The following ABLIM2 variants were observed in gnomAD, a reference collection of about 807,000 sequenced individuals.
The protein encoded by ABLIM2 is actin-binding LIM protein 2.
A neutral mutation model predicts 97.7 loss-of-function variants in ABLIM2; 53 were observed. That is an observed-to-expected ratio of 0.54 (90% CI 0.44 to 0.68). ABLIM2 has a LOEUF of 0.68. Among genes scored for constraint, ABLIM2 ranks in the 30% least tolerant of loss-of-function variants. The probability of loss-of-function intolerance (pLI) is 0.00; values close to 1 mark genes in which losing one functional copy is unlikely to be tolerated. For missense variants in ABLIM2, 835 were observed against 867.2 expected, an observed-to-expected ratio of 0.96 and a Z score of 0.47; for synonymous variants, 361 against 345.8, an observed-to-expected ratio of 1.04 and a Z score of -0.49.
intron 14 of ABLIM2, among the ~76,000 whole-genome samples, chr4:8,018,549 A>T (rs1180020484): frequency 2.0e-5 from 3 of 152,198 alleles, no homozygotes; most frequent in Non-Finnish European, 2.9e-5. Flanking sequence ...CATTTCATTC[A>T]CTTTTTTCCT....
intron 20 of ABLIM2, among the ~76,000 whole-genome samples, chr4:7,968,505 G>T (rs1164687138): frequency 6.6e-6 from 1 of 152,226 alleles, no homozygotes. Flanking sequence ...GCCTTAAAAG[G>T]TCGTGAAGTT....
chr4:8,148,219 G>A lies in ABLIM2; in HGVS notation c.10+10461C>T, dbSNP rs1852140033. On this transcript the variant is annotated intron_variant, in intron 1 of 20. Transcript: ENST00000447017. This position sits in a 1 kb window ranked among gnomAD's most constrained non-coding sequence, Gnocchi z 6.7. Reference sequence around the variant, plus strand: ...CGGTGCAGCAGAAGCTCTCCTGTGGGGGCCCTGGGCCAGGCAGGTTCTGAA... The same window carrying A: ...CGGTGCAGCAGAAGCTCTCCTGTGGAGGCCCTGGGCCAGGCAGGTTCTGAA... 6.6e-6 allele frequency among the ~76,000 whole-genome samples: 1 copy of A among 152,224 alleles called. No homozygotes were observed. Among genetic ancestry groups the A allele is most frequent in the Non-Finnish European group, 1.5e-5 (1 of 68,044 alleles).
chr4:8,009,915 T>G (rs1763846112), intron 14 of ABLIM2, among the ~76,000 whole-genome samples: 1 of 152,068 alleles, frequency 6.6e-6, no homozygotes, highest in Admixed American at 6.5e-5. Context: ...AAGTGGGCGG[T>G]AGGGGCCAAC....
chr4:8,089,780 G>A (rs989709006), intron 3 of ABLIM2, among the ~76,000 whole-genome samples: 2 of 150,556 alleles, frequency 1.3e-5, no homozygotes, highest in Non-Finnish European at 2.9e-5. Flanking sequence ...ACCTTTGTTG[G>A]GTTCTGTCTG....
At chr4:8,158,610 T>G in intron 1 of ABLIM2, 70 bp downstream of exon 1, 1 of 1,494,476 alleles carries the variant, frequency 6.7e-7, no homozygotes, top group South Asian at 1.2e-5. Context: ...AGCCTCCGAA[T>G]GCCACCCAGC....
chr4:8,096,050 C>T (rs1831391302), intron 3 of ABLIM2, among the ~76,000 whole-genome samples: 3 of 152,186 alleles, frequency 2.0e-5, no homozygotes. Flanking sequence ...TTTCTAGTCA[C>T]TGTCTCCTGC....
rs1844703836 is a variant in ABLIM2 at position 8,120,179 on chromosome 4, G to T, written c.11-13542C>A. 6.6e-6 allele frequency among the ~76,000 whole-genome samples: 1 copy of T among 152,166 alleles called. No homozygotes were observed. Among genetic ancestry groups the T allele is most frequent in the African/African-American group, 2.4e-5 (1 of 41,454 alleles). Reference sequence around the variant, plus strand: ...GCGGCCACGCTGCCCCTTCCTCCCAGAAGAGGACGTGGCAGGAAGCAAGAG... The same window carrying T: ...GCGGCCACGCTGCCCCTTCCTCCCATAAGAGGACGTGGCAGGAAGCAAGAG... On this transcript the variant is annotated intron_variant, in intron 1 of 20. Transcript: ENST00000447017. This position sits in a 1 kb window ranked among gnomAD's most constrained non-coding sequence, Gnocchi z 5.6.
chr4:8,127,081 A>G lies in ABLIM2; in HGVS notation c.11-20444T>C, dbSNP rs1848305546. Among the ~76,000 whole-genome samples, 2 of 151,852 alleles carry G rather than the reference A, an allele frequency of 1.3e-5. No homozygotes were observed. Among genetic ancestry groups the G allele is most frequent in the Non-Finnish European group, 2.9e-5 (2 of 67,956 alleles). Reference sequence around the variant, plus strand: ...TCCCTGCCTCCAGAAAAAAAAAAAAAAAATGCCTGCAGACATTGCCACATG... The same window carrying G: ...TCCCTGCCTCCAGAAAAAAAAAAAAGAAATGCCTGCAGACATTGCCACATG... On this transcript the variant is annotated intron_variant, in intron 1 of 20. Transcript: ENST00000447017. This position sits in a 1 kb window ranked among gnomAD's most constrained non-coding sequence, Gnocchi z 7.3.
At chr4:8,030,279 C>T (rs1579136433) in intron 10 of ABLIM2, among the ~76,000 whole-genome samples, 1 of 152,156 alleles carries the variant, frequency 6.6e-6, no homozygotes, top group Admixed American at 6.5e-5. Flanking sequence ...CAAGCACCGA[C>T]ATGGCAGACT....
At position 8,130,591 on chromosome 4, in the gene ABLIM2, T is replaced by C. The variant is rs1012433993; in HGVS notation, c.11-23954A>G. Among the ~76,000 whole-genome samples, 1 of 151,976 alleles carries C rather than the reference T, an allele frequency of 6.6e-6. No homozygotes were observed. The highest frequency in any genetic ancestry group is 2.4e-5 in the African/African-American group (1 of 41,362). On this transcript the variant is annotated intron_variant, in intron 1 of 20. Coordinates refer to ENST00000447017, the MANE Select transcript of ABLIM2 (RefSeq NM_001130083.2). The surrounding 1 kb of genome is among the most constrained non-coding windows in gnomAD (Gnocchi z 4.2). ...TACTGGGACTTGAAGGGAGGCAGCC[T>C]GGCCCGAGTCCAGGGTGTGCTTGAC...
rs1561573045 is a variant in ABLIM2 at position 8,125,246 on chromosome 4, A to T, written c.11-18609T>A. 6.6e-6 allele frequency among the ~76,000 whole-genome samples: 1 copy of T among 152,154 alleles called. No individual in the cohort carries two copies. Among genetic ancestry groups the T allele is most frequent in the Non-Finnish European group, 1.5e-5 (1 of 68,026 alleles). On this transcript the variant is annotated intron_variant, in intron 1 of 20. Coordinates refer to ENST00000447017, the MANE Select transcript of ABLIM2 (RefSeq NM_001130083.2). The surrounding 1 kb of genome is among the most constrained non-coding windows in gnomAD (Gnocchi z 6.2). ...ATCCAGTCGTCTATATCTTGTTATG[A>T]CGGCTTGGGCTTTGGTGTCTTTTCT...
At chr4:7,995,213 G>A (rs1032709968) in intron 16 of ABLIM2, among the ~76,000 whole-genome samples, 5 of 152,212 alleles carry the variant, frequency 3.3e-5, no homozygotes, top group African/African-American at 1.2e-4. Context: ...TAAACTGTCT[G>A]TCTTTCCACT....
At chr4:8,096,307 T>G (rs1831541813) in intron 3 of ABLIM2, among the ~76,000 whole-genome samples, 1 of 152,244 alleles carries the variant, frequency 6.6e-6, no homozygotes, top group Non-Finnish European at 1.5e-5. Flanking sequence ...GGCTGTCTGT[T>G]ATTATTTTTT....
chr4:8,105,293 G>C (rs979572237), intron 2 of ABLIM2, among the ~76,000 whole-genome samples: 4 of 152,280 alleles, frequency 2.6e-5, no homozygotes, highest in Middle Eastern at 6.8e-3. Context: ...CATATACTTG[G>C]TTTTTACTAT....
chr4:8,057,512 C>T (rs1429386538), intron 7 of ABLIM2, among the ~76,000 whole-genome samples: 4 of 152,194 alleles, frequency 2.6e-5, no homozygotes, highest in African/African-American at 4.8e-5. Context: ...ATGTTTAGGG[C>T]TCTTGAGATT....
intron 1 of ABLIM2, among the ~76,000 whole-genome samples, chr4:8,119,199 G>A (rs1844151070): frequency 6.6e-6 from 1 of 152,146 alleles, no homozygotes; most frequent in Admixed American, 6.5e-5. Flanking sequence ...GTGTGGGGCT[G>A]AAGAGAGCCC....
At chr4:8,158,124 G>T (rs1033857927) in intron 1 of ABLIM2, among the ~76,000 whole-genome samples, 1 of 152,212 alleles carries the variant, frequency 6.6e-6, no homozygotes, top group African/African-American at 2.4e-5. Context: ...CTGGAGACGC[G>T]CAGAGATCGG....
At chr4:8,036,696 G>A (rs2151457924) in intron 9 of ABLIM2, among the ~76,000 whole-genome samples, 1 of 152,330 alleles carries the variant, frequency 6.6e-6, no homozygotes. Flanking sequence ...TACAAAATGA[G>A]GGAAATGATC....
rs966560958 is a variant in ABLIM2, at chr4:8,122,490, C to T, written c.11-15853G>A. On this transcript the variant is annotated intron_variant, in intron 1 of 20. Coordinates refer to ENST00000447017, the MANE Select transcript of ABLIM2 (RefSeq NM_001130083.2). The surrounding 1 kb of genome is among the most constrained non-coding windows in gnomAD (Gnocchi z 4.1). ...GGCTCCCTTCCTGGCTTGCAGACAG[C>T]CGCCTTCTTACTGTGTCCTCACAAG... Among the ~76,000 whole-genome samples, 5 of 152,222 alleles carry T rather than the reference C, an allele frequency of 3.3e-5. No homozygotes were observed. The highest frequency in any genetic ancestry group is 1.2e-4 in the African/African-American group (5 of 41,460).
Sources: gnomAD v4.1 joint callset for allele counts (sites outside exome capture counted in the v4.1 genomes callset) on GRCh38, gnomAD v4.1.1 for gene constraint, Gnocchi (gnomAD v3.1) non-coding constraint, MANE v1.5 for transcripts, NCBI Gene and HGNC (gene_info 2026-07-23, HGNC 2026-07-21) for gene names.